Variants in ANO10 observed in about 807,000 individuals in gnomAD.
ANO10 encodes anoctamin 10.
ANO10 carries 77 observed loss-of-function variants against 74.7 expected under a neutral mutation model. That is an observed-to-expected ratio of 1.03 (90% confidence interval 0.86 to 1.25). The LOEUF is 1.25. Ranked by LOEUF, ANO10 falls within the 50% of genes most tolerant of loss-of-function variation. ANO10 has a pLI of 0.00. For missense variants in ANO10, 721 were observed against 778.1 expected (o/e 0.93, Z 0.87); for synonymous variants, 279 against 284.9 (o/e 0.98, Z 0.21).
chr3:43,415,208 C>T (rs924693483), intron 12 of ANO10, among the ~76,000 whole-genome samples: 5 of 151,904 alleles, frequency 3.3e-5, no homozygotes, highest in African/African-American at 4.8e-5. Context: ...AACTCCTGAC[C>T]TCAAGTGATC....
intron 11 of ANO10, among the ~76,000 whole-genome samples, chr3:43,458,582 A>C (rs1390907430): frequency 2.6e-5 from 4 of 152,208 alleles, no homozygotes; most frequent in Non-Finnish European, 5.9e-5. Context: ...ACATCAAATG[A>C]AGACACCATA....
intron 11 of ANO10, among the ~76,000 whole-genome samples, chr3:43,538,389 AAAG>A (rs1297187924): frequency 1.3e-5 from 2 of 152,244 alleles, no homozygotes; most frequent in Non-Finnish European, 2.9e-5. Flanking sequence ...AGCTCTTCCA[AAAG>A]AAGGGTGAAT....
intron 1 of ANO10, among the ~76,000 whole-genome samples, chr3:43,662,641 C>A (rs1300049765): frequency 6.6e-6 from 1 of 151,864 alleles, no homozygotes; most frequent in Non-Finnish European, 1.5e-5. Flanking sequence ...ACAAAATAGA[C>A]CGCTACCAAG....
chr3:43,602,535 T>C (rs1252282560), intron 2 of ANO10, among the ~76,000 whole-genome samples: 9 of 152,226 alleles, frequency 5.9e-5, no homozygotes, highest in Non-Finnish European at 1.2e-4. Context: ...GGGGTTTCAC[T>C]GTGTTAGCCA....
At chr3:43,512,480 CAG>C (rs1405163315) in intron 11 of ANO10, among the ~76,000 whole-genome samples, 1 of 152,132 alleles carries the variant, frequency 6.6e-6, no homozygotes, top group Non-Finnish European at 1.5e-5. Flanking sequence ...ACCTGAGGCA[CAG>C]AGAGACTCAG....
chr3:43,443,787 T>G (rs2093199885), intron 11 of ANO10, among the ~76,000 whole-genome samples: 1 of 151,126 alleles, frequency 6.6e-6, no homozygotes, highest in African/African-American at 2.4e-5. Flanking sequence ...TTCCAACGAT[T>G]CTCCTGCCTC....
In ANO10 at chr3:43,567,523, A is replaced by G. The variant is rs1028100311; in HGVS notation, c.1219-1796T>C. 3.3e-5 allele frequency among the ~76,000 whole-genome samples: 5 copies of G among 152,186 alleles called. No homozygotes were observed. In the South Asian group the frequency reaches 6.2e-4, roughly 19 times the overall value. On this transcript the variant is annotated intron_variant, in intron 7 of 12. Coordinates refer to ENST00000292246, the MANE Select transcript of ANO10 (RefSeq NM_018075.5). Reference sequence around the variant, plus strand: ...TACAAGCCAGAAGAGAGTGGGGGCCAATATTCAACATTCTTAAAGAAAAGA... The same window carrying G: ...TACAAGCCAGAAGAGAGTGGGGGCCGATATTCAACATTCTTAAAGAAAAGA...
intron 1 of ANO10, among the ~76,000 whole-genome samples, chr3:43,635,951 T>C (rs886227786): frequency 3.3e-5 from 5 of 151,948 alleles, no homozygotes; most frequent in Non-Finnish European, 7.4e-5. Context: ...AGTGGTCCAA[T>C]GTGTCAGACG....
At chr3:43,617,470 T>C (rs978797492) in intron 1 of ANO10, among the ~76,000 whole-genome samples, 20 of 152,258 alleles carry the variant, frequency 1.3e-4, no homozygotes, top group Middle Eastern at 3.4e-3. Flanking sequence ...TTCTTTATCA[T>C]GTGTCGAATT....
At chr3:43,493,996 A>G (rs1285033906) in intron 11 of ANO10, among the ~76,000 whole-genome samples, 2 of 152,148 alleles carry the variant, frequency 1.3e-5, no homozygotes, top group South Asian at 4.1e-4. Context: ...TCTACCTCCC[A>G]AAGTGCTGGC....
chr3:43,691,141 TGGCGACGACGG>T (rs1305591549), intron 1 of ANO10: 1 of 1,185,284 alleles, frequency 8.4e-7, no homozygotes, highest in Non-Finnish European at 1.1e-6. Context: ...GCCGCCCGCC[TGGCGACGACGG>T]GCGGCTTCCT....
intron 1 of ANO10, among the ~76,000 whole-genome samples, chr3:43,637,117 C>G (rs2149561798): frequency 6.6e-6 from 1 of 152,332 alleles, no homozygotes; most frequent in East Asian, 1.9e-4. Flanking sequence ...CTGAAGTGAG[C>G]TGTGTTTGCA....
chr3:43,458,722 T>C (rs371855763), intron 11 of ANO10, among the ~76,000 whole-genome samples: 4 of 152,306 alleles, frequency 2.6e-5, no homozygotes, highest in East Asian at 3.9e-4. Context: ...ACATGTGCCA[T>C]GGTGGTTTGC....
chr3:43,400,470 T>C (rs2092460821), intron 12 of ANO10, among the ~76,000 whole-genome samples: 3 of 152,172 alleles, frequency 2.0e-5, no homozygotes, highest in South Asian at 2.1e-4. Context: ...TGTGAAATAC[T>C]GTGTCTTCAG....
chr3:43,663,599 T>C (rs2083952283), intron 1 of ANO10, among the ~76,000 whole-genome samples: 1 of 152,190 alleles, frequency 6.6e-6, no homozygotes, highest in Admixed American at 6.5e-5. Flanking sequence ...GAATTCAAAT[T>C]GTCTCTGTTT....
chr3:43,686,910 T>C (rs2084282466), intron 1 of ANO10, among the ~76,000 whole-genome samples: 1 of 152,064 alleles, frequency 6.6e-6, no homozygotes, highest in Non-Finnish European at 1.5e-5. Context: ...TCTCAGGTTC[T>C]ACCTCAGACC....
At chr3:43,452,005 C>T (rs1377818540) in intron 11 of ANO10, among the ~76,000 whole-genome samples, 2 of 152,056 alleles carry the variant, frequency 1.3e-5, no homozygotes, top group Non-Finnish European at 2.9e-5. Context: ...TTTGGCTATT[C>T]TAAAGTCAAA....
At chr3:43,607,777 G>C (rs1329472454) in intron 1 of ANO10, among the ~76,000 whole-genome samples, 1 of 152,040 alleles carries the variant, frequency 6.6e-6, no homozygotes, top group Non-Finnish European at 1.5e-5. Flanking sequence ...AGAACTAAAA[G>C]ACAAGATTGA....
chr3:43,499,392 A>T (rs1232883866), intron 11 of ANO10, among the ~76,000 whole-genome samples: 2 of 152,184 alleles, frequency 1.3e-5, no homozygotes, highest in Non-Finnish European at 2.9e-5. Context: ...GGAAGTATTT[A>T]CTAGGGAGGG....
Sources: gnomAD v4.1 joint callset for allele counts (sites outside exome capture counted in the v4.1 genomes callset) on GRCh38, gnomAD v4.1.1 for gene constraint, MANE v1.5 for transcripts, NCBI Gene and HGNC (gene_info 2026-07-23, HGNC 2026-07-21) for gene names.